Variants in ZFHX3 observed in about 807,000 individuals in gnomAD.
The protein encoded by ZFHX3 is zinc finger homeobox 3, also known as zinc finger homeobox protein 3.
Under a neutral mutation model 279.1 loss-of-function variants are expected in ZFHX3, and 42 were observed. The ratio of observed to expected loss-of-function variants is 0.15; its 90% CI spans 0.12 to 0.19. The LOEUF (loss-of-function observed/expected upper bound fraction) is 0.19. Ranked by LOEUF, ZFHX3 falls within the 10% of genes least tolerant of loss-of-function variation. The probability of loss-of-function intolerance (pLI) is 1.00; values close to 1 mark genes in which losing one functional copy is unlikely to be tolerated. For missense variants in ZFHX3, 4,981 were observed against 4,754.0 expected (o/e 1.05, Z -1.40); for synonymous variants, 2,293 against 1,957.8 (o/e 1.17, Z -4.52).
intron 1 of ZFHX3, among the ~76,000 whole-genome samples, chr16:72,995,898 C>A (rs1456315159): frequency 6.6e-6 from 1 of 152,170 alleles, no homozygotes; most frequent in African/African-American, 2.4e-5. Flanking sequence ...CTGCCCAGGG[C>A]CTTAGGCTCC....
chr16:72,809,216 A>G (rs2036363260), intron 7 of ZFHX3: 5 of 152,272 alleles, frequency 3.3e-5, no homozygotes, highest in Admixed American at 3.3e-4. Context: ...CCAGTCATGT[A>G]GATTACTATA....
intron 2 of ZFHX3, among the ~76,000 whole-genome samples, chr16:73,476,330 A>C (rs1277180811): frequency 6.6e-6 from 1 of 152,178 alleles, no homozygotes; most frequent in African/African-American, 2.4e-5. Flanking sequence ...ATATAACCAC[A>C]ATTTACAGAT....
intron 5 of ZFHX3, among the ~76,000 whole-genome samples, chr16:73,178,467 G>A (rs1045156157): frequency 6.6e-6 from 1 of 151,980 alleles, no homozygotes; most frequent in African/African-American, 2.4e-5. Flanking sequence ...CTTCTCCCCA[G>A]TGCCCCTACC....
intron 3 of ZFHX3, among the ~76,000 whole-genome samples, chr16:73,351,420 C>T (rs537882083): frequency 1.3e-5 from 2 of 152,194 alleles, no homozygotes; most frequent in Admixed American, 6.5e-5. Flanking sequence ...AGTCAGTTCA[C>T]GGCGGCCCCT....
chr16:73,333,059 G>A (rs551302065), intron 3 of ZFHX3, among the ~76,000 whole-genome samples: 3 of 151,458 alleles, frequency 2.0e-5, no homozygotes, highest in South Asian at 2.1e-4. Flanking sequence ...TTACTACACA[G>A]TTTTAGGAGA....
chr16:73,691,807 T>C (rs953672243), intron 1 of ZFHX3, among the ~76,000 whole-genome samples: 14 of 152,188 alleles, frequency 9.2e-5, no homozygotes, highest in Admixed American at 3.9e-4. Flanking sequence ...TAGTCACTTG[T>C]TCTTCATTAA....
intron 2 of ZFHX3, among the ~76,000 whole-genome samples, chr16:73,578,981 A>G (rs979479973): frequency 5.9e-5 from 9 of 152,210 alleles, no homozygotes; most frequent in African/African-American, 1.9e-4. Flanking sequence ...AGAGCCGGAC[A>G]TGCCTCGTTA....
intron 1 of ZFHX3, among the ~76,000 whole-genome samples, chr16:73,723,706 A>G (rs1027933920): frequency 6.6e-6 from 1 of 152,248 alleles, no homozygotes. Context: ...ACAAATCATT[A>G]TAGGCCTAGT....
intron 4 of ZFHX3, among the ~76,000 whole-genome samples, chr16:73,262,939 GA>G (rs2013866086): frequency 6.6e-6 from 1 of 152,120 alleles, no homozygotes; most frequent in Non-Finnish European, 1.5e-5. Context: ...ACATGTGAGT[GA>G]GGGGCCCCAG....
At chr16:73,474,523 A>G (rs2018731536) in intron 2 of ZFHX3, among the ~76,000 whole-genome samples, 6 of 152,186 alleles carry the variant, frequency 3.9e-5, no homozygotes, top group Admixed American at 3.9e-4. Context: ...CCAACAGGTG[A>G]ACTAGCATTC....
intron 2 of ZFHX3, among the ~76,000 whole-genome samples, chr16:73,555,519 G>A (rs2020265416): frequency 6.6e-6 from 1 of 151,196 alleles, no homozygotes; most frequent in Non-Finnish European, 1.5e-5. Context: ...ATTTCAGGAA[G>A]TACTGTAAAC....
intron 3 of ZFHX3, among the ~76,000 whole-genome samples, chr16:72,935,191 G>A (rs1695694029): frequency 1.3e-5 from 2 of 152,228 alleles, no homozygotes; most frequent in South Asian, 4.1e-4. Context: ...CATAGCGGGT[G>A]CTCAAGGACG....
At chr16:73,146,457 G>C (rs543854846) in intron 5 of ZFHX3, among the ~76,000 whole-genome samples, 1 of 151,748 alleles carries the variant, frequency 6.6e-6, no homozygotes, top group Non-Finnish European at 1.5e-5. Context: ...CTTCTGAAAG[G>C]CATACGGACC....
At chr16:73,181,208 C>T (rs1036490128) in intron 5 of ZFHX3, among the ~76,000 whole-genome samples, 1 of 152,104 alleles carries the variant, frequency 6.6e-6, no homozygotes, top group Non-Finnish European at 1.5e-5. Context: ...TCAAGCGATT[C>T]TCCTGCCTCA....
intron 1 of ZFHX3, among the ~76,000 whole-genome samples, chr16:73,866,169 ATTTTTTT>A (rs34324522): frequency 5.9e-4 from 44 of 74,640 alleles, no homozygotes; most frequent in Admixed American, 1.2e-3. Flanking sequence ...TGCCAGGCTA[ATTTTTTT>A]TTTTTTTTTT....
chr16:73,830,401 G>C (rs1567423788), intron 1 of ZFHX3, among the ~76,000 whole-genome samples: 1 of 152,012 alleles, frequency 6.6e-6, no homozygotes, highest in Admixed American at 6.6e-5. Context: ...GACCGGAGCT[G>C]TTCCTATTCG....
chr16:73,483,933 T>G (rs898473812), intron 2 of ZFHX3, among the ~76,000 whole-genome samples: 23 of 45,280 alleles, frequency 5.1e-4, no homozygotes, highest in Non-Finnish European at 7.9e-4. Context: ...TGCCTTTGTT[T>G]TTTTTTTTTT....
chr16:73,712,858 C>G lies in ZFHX3; in HGVS notation c.-1607-32618G>C, dbSNP rs369021905. On this transcript the variant is annotated intron_variant, in intron 1 of 17. Coordinates refer to the ZFHX3 transcript ENST00000641206. The stretch of plus-strand genomic sequence containing the variant: ...CCCCAGTTTGTGGCCCAGCAATAGG[C>G]AATAACTTTGCCTCATGCTGGAGAG... Among the ~76,000 whole-genome samples, 6 of 152,210 alleles carry G rather than the reference C, an allele frequency of 3.9e-5. No individual in the cohort carries two copies. The East Asian group carries it at 9.6e-4, about 24-fold the overall frequency.
At chr16:72,980,246 C>A (rs1294784185) in intron 1 of ZFHX3, among the ~76,000 whole-genome samples, 2 of 152,202 alleles carry the variant, frequency 1.3e-5, no homozygotes, top group Non-Finnish European at 2.9e-5. Context: ...CCGCATCATC[C>A]TTTTAAATCC....
Sources: allele counts gnomAD v4.1 joint callset (sites outside exome capture counted in the v4.1 genomes callset), GRCh38; gene constraint gnomAD v4.1.1; transcripts MANE v1.5; gene names NCBI Gene and HGNC (gene_info 2026-07-23, HGNC 2026-07-21).